The following ADD3 variants were observed in gnomAD, a reference collection of about 807,000 sequenced individuals.
ADD3 encodes gamma-adducin.
A neutral mutation model predicts 80.2 loss-of-function variants in ADD3; 25 were observed. That is an observed-to-expected ratio of 0.31 (90% CI 0.23 to 0.44). The LOEUF (loss-of-function observed/expected upper bound fraction) is 0.44, where lower values mean the gene tolerates loss of function less well. Among genes scored for constraint, ADD3 ranks in the 20% least tolerant of loss-of-function variants. The pLI is 1.00. For synonymous variants in ADD3, 284 were observed against 289.6 expected (o/e 0.98, Z 0.20); for missense variants, 829 against 847.5 (o/e 0.98, Z 0.27).
At chr10:110,073,526 T>A (rs1265395600) in intron 1 of ADD3, among the ~76,000 whole-genome samples, 1 of 152,220 alleles carries the variant, frequency 6.6e-6, no homozygotes, top group Non-Finnish European at 1.5e-5. Context: ...GTATGTAAAG[T>A]GCACGGCACA....
At chr10:110,095,681 T>G (rs2501571) in intron 1 of ADD3, among the ~76,000 whole-genome samples, 134,963 of 152,246 alleles carry the variant, frequency 0.89, 60,194 homozygotes, top group East Asian at 1. Context: ...TGCTATAATT[T>G]TATAATAGTC....
At chr10:110,006,170 C>A (rs1398984559), upstream of ADD3, 2 of 153,554 alleles carry the variant, frequency 1.3e-5, no homozygotes, top group African/African-American at 4.8e-5. Context: ...ATCTATCTAG[C>A]TATTTTGTCC....
chr10:110,053,194 T>C (rs1472417416), intron 1 of ADD3, among the ~76,000 whole-genome samples: 2 of 152,112 alleles, frequency 1.3e-5, no homozygotes, highest in African/African-American at 4.8e-5. Context: ...TCTGTCTACA[T>C]TTTCACATTT....
chr10:110,060,450 G>A (rs1372089619), intron 1 of ADD3, among the ~76,000 whole-genome samples: 1 of 152,164 alleles, frequency 6.6e-6, no homozygotes, highest in African/African-American at 2.4e-5. Context: ...AAAGCACTTG[G>A]ATATTTTAGC....
chr10:110,100,831 C>G lies in ADD3; in HGVS notation c.178C>G (p.Gln60Glu), dbSNP rs781170581. The change falls in exon 2 of 15, where the codon CAG becomes GAG. Residue 60 changes from glutamine to glutamate, a missense_variant. By Grantham distance (29) the Gln-to-Glu change is conservative. Coordinates refer to ENST00000356080, the MANE Select transcript of ADD3 (RefSeq NM_016824.5). ...NMMEQRKRVT[Q>E]ILQSPAFRED... Reference sequence around the variant, plus strand: ...GATGGAGCAGAGGAAACGAGTTACTCAGATCCTGCAAAGTCCTGTGAGTTG... The same window carrying G: ...GATGGAGCAGAGGAAACGAGTTACTGAGATCCTGCAAAGTCCTGTGAGTTG... 1.2e-6 allele frequency: 2 copies of G among 1,607,202 alleles called. No homozygotes were observed. The highest frequency in any genetic ancestry group is 1.7e-6 in the Non-Finnish European group (2 of 1,177,232).
chr10:110,116,466 A>G (rs1590193366), intron 4 of ADD3, 56 bp downstream of exon 4: 2 of 1,571,888 alleles, frequency 1.3e-6, no homozygotes, highest in South Asian at 1.1e-5. Context: ...GAAGGCAACT[A>G]TACTCTTCTT....
At chr10:110,020,556 A>G (rs930475832) in intron 1 of ADD3, among the ~76,000 whole-genome samples, 2 of 152,208 alleles carry the variant, frequency 1.3e-5, no homozygotes, top group Non-Finnish European at 2.9e-5. Flanking sequence ...TGGATGAAGC[A>G]GAACGTGGTG....
At chr10:110,060,754 G>A (rs989864397) in intron 1 of ADD3, among the ~76,000 whole-genome samples, 1 of 152,178 alleles carries the variant, frequency 6.6e-6, no homozygotes, top group Non-Finnish European at 1.5e-5. Context: ...GACAGAACTT[G>A]AAGTTTTTCA....
In ADD3 at chr10:110,063,737, TTATATATATATATATATA is replaced by T. The variant is rs139871560; in HGVS notation, c.-29-36859_-29-36842del. On this transcript the variant is annotated intron_variant, in intron 1 of 14. Coordinates refer to ENST00000356080, the MANE Select transcript of ADD3 (RefSeq NM_016824.5). Reference sequence around the variant, plus strand: ...TGATGAATATGAATATATATATTCATTATATATATATATATATATATATATATATATATATATATATAT... The same window carrying T: ...TGATGAATATGAATATATATATTCATTATATATATATATATATATATATAT... 6.4e-3 allele frequency among the ~76,000 whole-genome samples: 416 copies of T among 64,674 alleles called. 7 individuals carry two copies. The highest frequency in any genetic ancestry group is 0.016 in the Middle Eastern group (2 of 122). 42.4% of individuals were successfully genotyped at this position (64,674 alleles called of 152,430 possible). A position where few individuals can be genotyped will look rare whatever the true frequency, so the allele number is the denominator to read the frequency against.
Position 110,021,593 on chromosome 10 carries a change from A to T in ADD3, c.-30+13294A>T, listed in dbSNP as rs1030573796. Among the ~76,000 whole-genome samples, 4 of 152,332 alleles carry T rather than the reference A, an allele frequency of 2.6e-5. No homozygotes were observed. In the South Asian group the frequency reaches 8.3e-4, roughly 32 times the overall value. ...AATGAACCTTGAAAACATGCTAAGTAAAAAAGCCAGATACACAAGGCCACA... is the reference window on the plus strand; with the variant it reads ...AATGAACCTTGAAAACATGCTAAGTTAAAAAGCCAGATACACAAGGCCACA... On this transcript the variant is annotated intron_variant, in intron 1 of 14. Transcript: ENST00000356080.
intron 2 of ADD3, among the ~76,000 whole-genome samples, chr10:110,110,859 G>GT (rs1254751546): frequency 2.0e-5 from 3 of 152,000 alleles, no homozygotes; most frequent in Non-Finnish European, 2.9e-5. Context: ...GCCGGGCATG[G>GT]TTGTGCACAC....
At position 110,125,940 on chromosome 10, in the gene ADD3, A is replaced by G; in HGVS notation, c.1516A>G (p.Asn506Asp). The change falls in exon 11 of 15, where the codon AAT becomes GAT. Residue 506 changes from asparagine to aspartate, a missense_variant. Transcript: ENST00000356080. ...CCCGAATGAGGTACTAGAAAAGAGA[A>G]ATAAGGTAAGACATGGTCTTCTATA... is the stretch of plus-strand genomic sequence containing the variant. ...TNPNEVLEKR[N>D]KIREQNRYDL... is the part of the protein sequence containing the mutation. 1 of 1,604,956 alleles carries G rather than the reference A, an allele frequency of 6.2e-7. No individual in the cohort carries two copies. The highest frequency in any genetic ancestry group is 8.5e-7 in the Non-Finnish European group (1 of 1,174,158).
intron 1 of ADD3, chr10:110,016,738 G>C (rs1020961367): frequency 2.0e-5 from 3 of 152,136 alleles, no homozygotes; most frequent in African/African-American, 7.2e-5. Flanking sequence ...AGTAGATTTT[G>C]TTGTTGTTTT....
chr10:110,094,450 A>G (rs955109790), intron 1 of ADD3, among the ~76,000 whole-genome samples: 41 of 152,232 alleles, frequency 2.7e-4, no homozygotes, highest in Non-Finnish European at 5.4e-4. Flanking sequence ...TATAAAATCA[A>G]TAGCCTTTTA....
intron 2 of ADD3, among the ~76,000 whole-genome samples, chr10:110,108,761 G>A (rs2134016053): frequency 6.6e-6 from 1 of 152,212 alleles, no homozygotes; most frequent in South Asian, 2.1e-4. Flanking sequence ...GTAAAAATGA[G>A]TAATAAATGT....
chr10:110,088,500 G>A (rs1033042089), intron 1 of ADD3, among the ~76,000 whole-genome samples: 4 of 152,260 alleles, frequency 2.6e-5, no homozygotes, highest in Middle Eastern at 3.4e-3. Context: ...AATATTAGGC[G>A]TTTCATAAAC....
intron 1 of ADD3, among the ~76,000 whole-genome samples, chr10:110,040,943 TCG>T (rs1856253939): frequency 1.0e-5 from 1 of 96,712 alleles, no homozygotes; most frequent in African/African-American, 3.3e-5. Flanking sequence ...TCTCTCTCTC[TCG>T]CTCTCTCTGT....
At chr10:110,069,509 T>C (rs1334411605) in intron 1 of ADD3, among the ~76,000 whole-genome samples, 1 of 152,190 alleles carries the variant, frequency 6.6e-6, no homozygotes, top group Non-Finnish European at 1.5e-5. Flanking sequence ...ACCTTAGAAC[T>C]TAAGTGCCTT....
intron 1 of ADD3, among the ~76,000 whole-genome samples, chr10:109,998,686 C>G (rs930003930): frequency 6.6e-6 from 1 of 151,988 alleles, no homozygotes; most frequent in Non-Finnish European, 1.5e-5. Flanking sequence ...CATGCCTTTC[C>G]CTCAATCTCT....
Sources: allele counts gnomAD v4.1 joint callset (sites outside exome capture counted in the v4.1 genomes callset), GRCh38; gene constraint gnomAD v4.1.1; transcripts MANE v1.5; gene names NCBI Gene and HGNC (gene_info 2026-07-23, HGNC 2026-07-21).